COLGALT1: variants seen among roughly 807,000 people sequenced by gnomAD.
COLGALT1 encodes the protein collagen beta(1-O)galactosyltransferase 1, also known as procollagen galactosyltransferase 1.
COLGALT1 carries 43 observed loss-of-function variants against 60.8 expected under a neutral mutation model. The observed-to-expected ratio is 0.71, with a 90% confidence interval of 0.55 to 0.91. The LOEUF is 0.91. Among genes scored for constraint, COLGALT1 ranks in the 40% least tolerant of loss-of-function variants. The probability of loss-of-function intolerance (pLI) is 0.00; values close to 1 mark genes in which losing one functional copy is unlikely to be tolerated. For missense variants in COLGALT1, 845 were observed against 880.0 expected, an observed-to-expected ratio of 0.96 and a Z score of 0.50; for synonymous variants, 369 against 374.2, an observed-to-expected ratio of 0.99 and a Z score of 0.16.
chr19:17,566,442 G>C (rs2076280347), intron 3 of COLGALT1, among the ~76,000 whole-genome samples: 1 of 151,976 alleles, frequency 6.6e-6, no homozygotes, highest in Admixed American at 6.6e-5. Context: ...CCTGGTAGAG[G>C]GGGAACGTCC....
chr19:17,568,465 A>G (rs771555648), intron 4 of COLGALT1, 44 bp from the exon 5 acceptor site: 1 of 1,524,448 alleles, frequency 6.6e-7, no homozygotes, highest in African/African-American at 1.4e-5. Flanking sequence ...CTCCATCCTC[A>G]CCTTTCAAGA....
At position 17,562,213 on chromosome 19, in the gene COLGALT1, C is replaced by A. The variant is rs116536043; in HGVS notation, c.489+1748C>A. ...CAAACAAAAAGCAGAAAAGAAAAAG[C>A]AAAGAGTCAAGTGAGCAAAGTGATT... On this transcript the variant is annotated intron_variant, in intron 3 of 11. Coordinates refer to ENST00000252599, the MANE Select transcript of COLGALT1 (RefSeq NM_024656.4). 6.4e-3 allele frequency among the ~76,000 whole-genome samples: 968 copies of A among 152,270 alleles called. 13 individuals are homozygous for A. The highest frequency in any genetic ancestry group is 0.022 in the African/African-American group (922 of 41,544).
intron 1 of COLGALT1, among the ~76,000 whole-genome samples, chr19:17,557,186 A>G (rs766749981): frequency 3.9e-5 from 6 of 152,318 alleles, no homozygotes; most frequent in Admixed American, 6.5e-5. Context: ...CAAATACACA[A>G]TTGGTACTTA....
In COLGALT1 at chr19:17,559,432, T is replaced by G. The variant is rs1599776829; in HGVS notation, c.371+11T>G. ...AGCAGAGGAGCCCAGGTGAGCATCTTTCCCCTGCTCCTAGTCTGATTGGGC... is the reference window on the plus strand; with the variant it reads ...AGCAGAGGAGCCCAGGTGAGCATCTGTCCCCTGCTCCTAGTCTGATTGGGC... On this transcript the variant is annotated intron_variant, in intron 2 of 11. Coordinates refer to ENST00000252599, the MANE Select transcript of COLGALT1 (RefSeq NM_024656.4). The G allele has an allele frequency of 6.5e-7, 1 of 1,542,250 alleles. No homozygotes were observed. The highest frequency in any genetic ancestry group is 8.8e-7 in the Non-Finnish European group (1 of 1,138,522).
intron 1 of COLGALT1, among the ~76,000 whole-genome samples, chr19:17,558,610 G>A (rs544526185): frequency 1.6e-4 from 24 of 151,954 alleles, no homozygotes; most frequent in South Asian, 1.0e-3. Flanking sequence ...CCTGGTAGGC[G>A]GAGATTGCAG....
Position 17,555,781 on chromosome 19 carries a change from T to C in COLGALT1, c.68T>C (p.Leu23Pro), listed in dbSNP as rs2076206534. 5.6e-6 allele frequency: 7 copies of C among 1,241,118 alleles called. No homozygotes were observed. The highest frequency in any genetic ancestry group is 7.0e-6 in the Non-Finnish European group (7 of 992,910). 76.9% of individuals were successfully genotyped at this position (1,241,118 alleles called of 1,614,324 possible). ...QPLLALLLLL[L>P]APLPPGAPPG... ...CTCCTGGCGCTGCTGCTTCTGCTGC[T>C]GGCGCCACTGCCGCCGGGGGCCCCG... Residue 23 changes from leucine (L) to proline (P), a missense_variant, in exon 1 of 12, where the codon CTG becomes CCG. Physicochemically the swap from Leu to Pro is moderately conservative, Grantham distance 98. Transcript: ENST00000252599.
intron 6 of COLGALT1, among the ~76,000 whole-genome samples, chr19:17,575,887 C>T (rs2076337805): frequency 6.6e-6 from 1 of 152,134 alleles, no homozygotes; most frequent in African/African-American, 2.4e-5. Flanking sequence ...GACCTCTGTA[C>T]ACAACCCTGT....
At position 17,555,696 on chromosome 19, in the gene COLGALT1, AAG is replaced by A; in HGVS notation, c.-17_-16del. The A allele has an allele frequency of 8.5e-7, 1 of 1,179,826 alleles. No individual in the cohort carries two copies. The highest frequency in any genetic ancestry group is 1.0e-6 in the Non-Finnish European group (1 of 955,544). The allele number at this position is 1,179,826 out of a possible 1,614,324, so 73.1% of individuals were successfully genotyped here. The stretch of plus-strand genomic sequence containing the variant: ...AGTCCTCCCGCAGAAAAACGACTTA[AAG>A]GAGACGCGTGGCGCGATGGCGGCGG... On this transcript the variant is annotated 5_prime_UTR_variant, in exon 1 of 12. Transcript: ENST00000252599.
In COLGALT1 at chr19:17,579,554, C is replaced by T. The variant is rs947577811; in HGVS notation, c.1339C>T (p.Arg447Cys). 6.2e-7 allele frequency: 1 copy of T among 1,613,460 alleles called. No individual in the cohort carries two copies. The highest frequency in any genetic ancestry group is 8.5e-7 in the Non-Finnish European group (1 of 1,179,786). Residue 447 changes from arginine to cysteine, a missense_variant, in exon 10 of 12, where the codon CGT (arginine) becomes TGT (cysteine). Physicochemically the swap from Arg to Cys is radical, Grantham distance 180. Transcript: ENST00000252599. ...DLRFEIFFKR[R>C]LMNLMRDVER... ...GCGTTTTGAGATCTTCTTCAAGAGA[C>T]GTCTGATGAACCTCATGCGGGATGT...
intron 6 of COLGALT1, among the ~76,000 whole-genome samples, chr19:17,576,777 G>C (rs1201945840): frequency 6.6e-6 from 1 of 150,502 alleles, no homozygotes; most frequent in Non-Finnish European, 1.5e-5. Context: ...CCTGGGGCGT[G>C]GCCAGGGCTG....
intron 6 of COLGALT1, among the ~76,000 whole-genome samples, chr19:17,576,488 T>C (rs1243957593): frequency 1.4e-5 from 2 of 147,990 alleles, no homozygotes; most frequent in African/African-American, 5.0e-5. Context: ...AGAGTGAAGC[T>C]GGAGCATGGG....
intron 3 of COLGALT1, among the ~76,000 whole-genome samples, chr19:17,562,180 AAAAC>A (rs201466144): frequency 0.018 from 2,669 of 152,286 alleles, 32 homozygotes; most frequent in Non-Finnish European, 0.027. Flanking sequence ...CCCATCTCTT[AAAAC>A]AAACAAACAA....
Position 17,582,670 on chromosome 19 carries a change from A to G in COLGALT1, c.*1226A>G, listed in dbSNP as rs2076391678. The G allele has an allele frequency of 6.6e-6, 1 of 152,260 alleles. No individual in the cohort carries two copies. The highest frequency in any genetic ancestry group is 1.5e-5 in the Non-Finnish European group (1 of 68,044). The allele number at this position is 152,260 out of a possible 1,614,324, so 9.4% of individuals were successfully genotyped here. A position where few individuals can be genotyped will look rare whatever the true frequency, so the allele number is the denominator to read the frequency against. On this transcript the variant is annotated 3_prime_UTR_variant, in exon 12 of 12. Coordinates refer to ENST00000252599, the MANE Select transcript of COLGALT1 (RefSeq NM_024656.4). ...CACAGACTCCCAGTTGGGTTGAAGA[A>G]TGGTTGACTGAGTTTGATTCTTCCT...
intron 3 of COLGALT1, among the ~76,000 whole-genome samples, chr19:17,564,960 G>A (rs577544162): frequency 4.6e-4 from 70 of 152,150 alleles, no homozygotes; most frequent in African/African-American, 1.6e-3. Context: ...ATTTGTCAAT[G>A]GAATGTCACA....
chr19:17,577,095 G>A (rs1388440277), intron 6 of COLGALT1, 100 bp from the exon 7 acceptor site: 4 of 1,215,092 alleles, frequency 3.3e-6, no homozygotes, highest in East Asian at 2.4e-5. Flanking sequence ...TGTGGGCCGA[G>A]CCAGTCTGAC....
rs937658326 is a variant in COLGALT1 at position 17,564,424 on chromosome 19, T to C, written c.490-2982T>C. Reference sequence around the variant, plus strand: ...AAGAAAAACATCTACTTTTTTTTTTTTTTTTTTTTTGAGATGGAGTCTCAT... The same window carrying C: ...AAGAAAAACATCTACTTTTTTTTTTCTTTTTTTTTTGAGATGGAGTCTCAT... On this transcript the variant is annotated intron_variant, in intron 3 of 11. Transcript: ENST00000252599. 6.6e-4 allele frequency among the ~76,000 whole-genome samples: 97 copies of C among 147,436 alleles called. 1 individual carries two copies. The highest frequency in any genetic ancestry group is 1.8e-4 in the Non-Finnish European group (12 of 66,654).
At chr19:17,577,124 T>A in intron 6 of COLGALT1, 71 bp from the exon 7 acceptor site, 1 of 1,473,174 alleles carries the variant, frequency 6.8e-7, no homozygotes, top group Non-Finnish European at 9.4e-7. Context: ...ATGGAGTGGG[T>A]GGGGAAAGCG....
intron 1 of COLGALT1, among the ~76,000 whole-genome samples, chr19:17,558,332 C>T (rs2076226424): frequency 6.7e-6 from 1 of 150,324 alleles, no homozygotes; most frequent in Admixed American, 6.6e-5. Context: ...GCCTCGGCCT[C>T]TCAAAGTGCT....
Position 17,555,885 on chromosome 19 carries a change from C to T in COLGALT1, c.172C>T (p.Leu58=). 1.4e-6 allele frequency: 2 copies of T among 1,391,902 alleles called. No individual in the cohort carries two copies. Among genetic ancestry groups the T allele is most frequent in the Non-Finnish European group, 1.9e-6 (2 of 1,070,790 alleles). The allele number at this position is 1,391,902 out of a possible 1,614,324, so 86.2% of individuals were successfully genotyped here. The change falls in exon 1 of 12, where the codon CTG becomes TTG. Residue 58 remains leucine (L), a synonymous_variant. Transcript: ENST00000252599. ...PLQAPRVLIA[L]LARNAAHALP... Reference sequence around the variant, plus strand: ...GCAGGCGCCGCGCGTGCTCATCGCGCTGTTGGCGCGAAACGCGGCCCACGC... The same window carrying T: ...GCAGGCGCCGCGCGTGCTCATCGCGTTGTTGGCGCGAAACGCGGCCCACGC...
Sources: gnomAD v4.1 joint callset for allele counts (sites outside exome capture counted in the v4.1 genomes callset) on GRCh38, gnomAD v4.1.1 for gene constraint, MANE v1.5 for transcripts, NCBI Gene and HGNC (gene_info 2026-07-23, HGNC 2026-07-21) for gene names.